Variants in WWOX observed in about 807,000 individuals in gnomAD.
WWOX encodes WW domain containing oxidoreductase.
In WWOX, 69 loss-of-function variants were observed where a neutral mutation model predicts 46.2. The observed-to-expected ratio is 1.49, with a 90% confidence interval of 1.23 to 1.82. The LOEUF is 1.82. Ranked by LOEUF, WWOX falls within the 40% of genes most tolerant of loss-of-function variation. WWOX has a pLI of 0.00. For synonymous variants in WWOX, 359 were observed against 202.6 expected (o/e 1.77, Z -6.56); for missense variants, 919 against 542.6 (o/e 1.69, Z -6.89).
At chr16:78,664,040 G>A (rs1207086189) in intron 8 of WWOX, among the ~76,000 whole-genome samples, 2 of 152,192 alleles carry the variant, frequency 1.3e-5, no homozygotes, top group Non-Finnish European at 2.9e-5. Flanking sequence ...GACATAATTT[G>A]AATCATGGTT....
At chr16:78,687,540 A>T (rs929080664) in intron 8 of WWOX, among the ~76,000 whole-genome samples, 1 of 152,160 alleles carries the variant, frequency 6.6e-6, no homozygotes, top group Non-Finnish European at 1.5e-5. Context: ...TCTATGTTTT[A>T]TCGGAATACG....
Position 78,311,795 on chromosome 16 carries a change from G to C in WWOX, c.517-75065G>C, listed in dbSNP as rs553452623. On this transcript the variant is annotated intron_variant, in intron 5 of 8. Coordinates refer to ENST00000566780, the MANE Select transcript of WWOX (RefSeq NM_016373.4). ...ATTTTTAAAAAGCAGCCTGGCGGGG[G>C]GGTATTCATTTTTCTGTGGCTGCCA... 5.9e-5 allele frequency among the ~76,000 whole-genome samples: 9 copies of C among 151,852 alleles called. No individual in the cohort carries two copies. In the South Asian group the frequency reaches 1.5e-3, roughly 25 times the overall value.
chr16:78,135,530 T>G (rs2033758711), intron 4 of WWOX, among the ~76,000 whole-genome samples: 1 of 152,204 alleles, frequency 6.6e-6, no homozygotes, highest in Non-Finnish European at 1.5e-5. Flanking sequence ...TTTACTGACT[T>G]CTGCACATTT....
chr16:79,015,982 C>T (rs2047404573), intron 8 of WWOX, among the ~76,000 whole-genome samples: 1 of 152,180 alleles, frequency 6.6e-6, no homozygotes, highest in African/African-American at 2.4e-5. Context: ...ATTTCTTGAC[C>T]TCGTGATCTG....
At chr16:78,557,938 C>T (rs1163431855) in intron 8 of WWOX, among the ~76,000 whole-genome samples, 1 of 152,066 alleles carries the variant, frequency 6.6e-6, no homozygotes, top group Non-Finnish European at 1.5e-5. Context: ...CTCAGGTGAT[C>T]TGCCCACCTT....
chr16:78,506,205 T>C (rs568747068), intron 8 of WWOX, among the ~76,000 whole-genome samples: 2 of 152,160 alleles, frequency 1.3e-5, no homozygotes, highest in Non-Finnish European at 2.9e-5. Context: ...AAACATAACT[T>C]GGCCTCTTCG....
intron 8 of WWOX, among the ~76,000 whole-genome samples, chr16:79,018,540 T>A (rs2047463554): frequency 6.6e-6 from 1 of 152,158 alleles, no homozygotes; most frequent in Admixed American, 6.6e-5. Flanking sequence ...ATTGAATCAG[T>A]GGTTTGGGGG....
At chr16:78,668,565 A>G (rs1267851224) in intron 8 of WWOX, among the ~76,000 whole-genome samples, 1 of 152,220 alleles carries the variant, frequency 6.6e-6, no homozygotes, top group African/African-American at 2.4e-5. Flanking sequence ...AAGGGGCGTG[A>G]CAAAGTTACC....
intron 8 of WWOX, among the ~76,000 whole-genome samples, chr16:78,439,185 A>G (rs935238459): frequency 6.6e-6 from 1 of 152,162 alleles, no homozygotes; most frequent in Non-Finnish European, 1.5e-5. Flanking sequence ...GCGAGGGGGA[A>G]ATATGGTTTT....
chr16:78,849,255 C>G (rs571644469), intron 8 of WWOX, among the ~76,000 whole-genome samples: 7 of 152,090 alleles, frequency 4.6e-5, no homozygotes, highest in Non-Finnish European at 1.0e-4. Context: ...CTAGAAATTG[C>G]GAAGTCACGA....
intron 8 of WWOX, among the ~76,000 whole-genome samples, chr16:79,057,950 C>A (rs10492903): frequency 0.38 from 57,981 of 152,004 alleles, 12,308 homozygotes; most frequent in Admixed American, 0.47. Context: ...CCAAATCATT[C>A]AAATCGCTGT....
intron 8 of WWOX, among the ~76,000 whole-genome samples, chr16:79,141,754 G>T (rs996032818): frequency 1.3e-5 from 2 of 152,088 alleles, no homozygotes; most frequent in Non-Finnish European, 2.9e-5. Context: ...GAAGGAAGCA[G>T]TGTCCATTAG....
intron 6 of WWOX, among the ~76,000 whole-genome samples, chr16:78,391,182 G>A (rs1277780461): frequency 2.0e-5 from 3 of 152,142 alleles, no homozygotes; most frequent in Non-Finnish European, 4.4e-5. Context: ...CTTTTTATTC[G>A]GGTGCTGGGA....
chr16:78,900,238 C>G (rs573880914), intron 8 of WWOX, among the ~76,000 whole-genome samples: 1 of 152,090 alleles, frequency 6.6e-6, no homozygotes, highest in Non-Finnish European at 1.5e-5. Flanking sequence ...AAAGTCTTTT[C>G]TCCTCCTGTT....
chr16:78,687,196 C>G (rs2550659), intron 8 of WWOX, among the ~76,000 whole-genome samples: 52,580 of 152,056 alleles, frequency 0.35, 10,230 homozygotes, highest in Admixed American at 0.51. Context: ...GTTCTCTTGT[C>G]TCTGTTCATG....
chr16:78,233,136 TC>T (rs2037323099), intron 5 of WWOX, among the ~76,000 whole-genome samples: 3 of 152,188 alleles, frequency 2.0e-5, no homozygotes, highest in Admixed American at 1.3e-4. Flanking sequence ...TGAAACCAGT[TC>T]AGGTTCAAAC....
chr16:78,319,886 G>A (rs1567498098), intron 5 of WWOX, among the ~76,000 whole-genome samples: 1 of 152,048 alleles, frequency 6.6e-6, no homozygotes, highest in Non-Finnish European at 1.5e-5. Flanking sequence ...TGCCTGGGAG[G>A]CACTTTTTCC....
intron 4 of WWOX, among the ~76,000 whole-genome samples, chr16:78,159,429 TA>T (rs2034710868): frequency 6.6e-6 from 1 of 152,146 alleles, no homozygotes; most frequent in Admixed American, 6.5e-5. Flanking sequence ...TACATTCCAC[TA>T]AGGAATGTAA....
chr16:79,113,944 C>G (rs1277720632), intron 8 of WWOX, among the ~76,000 whole-genome samples: 1 of 152,196 alleles, frequency 6.6e-6, no homozygotes, highest in Non-Finnish European at 1.5e-5. Context: ...TCCTAAGGCC[C>G]AGCCACAACG....
Sources: gnomAD v4.1 joint callset for allele counts (sites outside exome capture counted in the v4.1 genomes callset) on GRCh38, gnomAD v4.1.1 for gene constraint, MANE v1.5 for transcripts, NCBI Gene and HGNC (gene_info 2026-07-23, HGNC 2026-07-21) for gene names.